The following CALY variants were observed in gnomAD, a reference collection of about 807,000 sequenced individuals.
CALY encodes calcyon neuron specific vesicular protein.
CALY carries 15 observed loss-of-function variants against 20.2 expected under a neutral mutation model. The ratio of observed to expected loss-of-function variants is 0.74; its 90% CI spans 0.50 to 1.14. CALY has a LOEUF of 1.14. Among genes scored for constraint, CALY ranks in the 50% most tolerant of loss-of-function variants. The pLI is 0.00. For synonymous variants in CALY, 129 were observed against 131.8 expected, an observed-to-expected ratio of 0.98 and a Z score of 0.15; for missense variants, 270 against 304.4, an observed-to-expected ratio of 0.89 and a Z score of 0.84.
At chr10:133,326,789 CA>C (rs1848220098) in intron 4 of CALY, 88 bp downstream of exon 4, 1 of 770,044 alleles carries the variant, frequency 1.3e-6, no homozygotes, top group Non-Finnish European at 2.3e-6. Context: ...GTTCCCCCAG[CA>C]GCAGGAGACA....
intron 1 of CALY, among the ~76,000 whole-genome samples, chr10:133,335,068 G>A (rs1848413363): frequency 1.3e-5 from 2 of 152,168 alleles, no homozygotes; most frequent in South Asian, 4.1e-4. Flanking sequence ...AGATACAGGA[G>A]CGATCGGTGG....
intron 1 of CALY, among the ~76,000 whole-genome samples, chr10:133,335,522 A>G (rs1427454625): frequency 6.6e-6 from 1 of 152,164 alleles, no homozygotes; most frequent in Non-Finnish European, 1.5e-5. Flanking sequence ...AGGAAGAAAA[A>G]GCCATTGGGG....
At chr10:133,333,339 G>A (rs368969555) in intron 1 of CALY, among the ~76,000 whole-genome samples, 1 of 107,752 alleles carries the variant, frequency 9.3e-6, no homozygotes, top group Non-Finnish European at 1.9e-5. Context: ...AGGACAGAGG[G>A]ACCCAACGGG....
At chr10:133,331,527 C>T (rs1022079669) in intron 1 of CALY, among the ~76,000 whole-genome samples, 3 of 151,988 alleles carry the variant, frequency 2.0e-5, no homozygotes, top group African/African-American at 4.8e-5. Flanking sequence ...TAAATAATAT[C>T]AAAACTATCA....
chr10:133,326,218 G>A, intron 4 of CALY, 98 bp from the exon 5 acceptor site: 3 of 1,552,170 alleles, frequency 1.9e-6, no homozygotes, highest in Non-Finnish European at 2.6e-6. Context: ...ACTGCGGACA[G>A]TTTGTAATGG....
chr10:133,332,902 G>C (rs1293460372), intron 1 of CALY, among the ~76,000 whole-genome samples: 1 of 152,238 alleles, frequency 6.6e-6, no homozygotes, highest in Non-Finnish European at 1.5e-5. Context: ...CAAGGAAAAA[G>C]CTCCCCTAGA....
intron 1 of CALY, among the ~76,000 whole-genome samples, chr10:133,329,927 G>A (rs984515069): frequency 5.3e-5 from 8 of 152,202 alleles, no homozygotes; most frequent in Non-Finnish European, 1.0e-4. Flanking sequence ...GGGCACCCGC[G>A]AGTCAGCCCA....
rs1030498018 is a variant in CALY, at chr10:133,324,160, G to GC, written c.*1434dup. Reference sequence around the variant, plus strand: ...TCCCAGCTGACGCCCCAGGCCCCGGGCCCCCCTCCCTTGCAGGCCATCAGG... The same window carrying GC: ...TCCCAGCTGACGCCCCAGGCCCCGGGCCCCCCCTCCCTTGCAGGCCATCAGG... On this transcript the variant is annotated 3_prime_UTR_variant, in exon 6 of 6. Transcript: ENST00000252939. 2.2e-5 allele frequency: 7 copies of GC among 325,524 alleles called. No individual in the cohort carries two copies. Among genetic ancestry groups the GC allele is most frequent in the African/African-American group, 1.5e-4 (7 of 45,694 alleles). The allele number at this position is 325,524 out of a possible 1,614,324, so 20.2% of individuals were successfully genotyped here.
At chr10:133,327,104 C>T (rs1848227490) in intron 3 of CALY, 113 bp from the exon 4 acceptor site, 2 of 718,706 alleles carry the variant, frequency 2.8e-6, no homozygotes, top group African/African-American at 3.5e-5. Flanking sequence ...GTCTTGATGC[C>T]CCACCCCCGC....
Position 133,326,360 on chromosome 10 carries a change from C to T in CALY, c.361-240G>A, listed in dbSNP as rs1361838857. ...GAGAGGGGCGCAGACACCAGTGGAC[C>T]TGCCCAGCGCAGCAAGGACTCTGCG... On this transcript the variant is annotated intron_variant, in intron 4 of 5. Coordinates refer to ENST00000252939, the MANE Select transcript of CALY (RefSeq NM_015722.4). 2.5e-6 allele frequency: 3 copies of T among 1,196,086 alleles called. No individual in the cohort carries two copies. The African/African-American group carries it at 4.5e-5, about 18-fold the overall frequency. The allele number at this position is 1,196,086 out of a possible 1,614,324, so 74.1% of individuals were successfully genotyped here. A position where few individuals can be genotyped will look rare whatever the true frequency, so the allele number is the denominator to read the frequency against.
intron 5 of CALY, 77 bp from the exon 6 acceptor site, chr10:133,325,643 G>T (rs1249574917): frequency 5.8e-6 from 2 of 343,156 alleles, no homozygotes; most frequent in African/African-American, 4.3e-5. Flanking sequence ...CACCCGGCGG[G>T]CTCGGATTCG....
In CALY at chr10:133,327,898, T is replaced by G. The variant is rs775478247; in HGVS notation, c.246+7A>C. On this transcript the variant is annotated splice_region_variant and intron_variant, in intron 3 of 5. Coordinates refer to ENST00000252939, the MANE Select transcript of CALY (RefSeq NM_015722.4). ...GTCCCCACAGTGGGTGGGGTGGGTGTGGTTACCCTGCGCCCTTCCTCTGGG... is the reference window on the plus strand; with the variant it reads ...GTCCCCACAGTGGGTGGGGTGGGTGGGGTTACCCTGCGCCCTTCCTCTGGG... The G allele has an allele frequency of 1.9e-6, 3 of 1,588,734 alleles. No individual in the cohort carries two copies. The highest frequency in any genetic ancestry group is 1.1e-5 in the South Asian group (1 of 89,804).
At position 133,324,414 on chromosome 10, in the gene CALY, G is replaced by A. The variant is rs1401039945; in HGVS notation, c.*1181C>T. ...AGCTGCCTAGACCCGCACCTAGCCA[G>A]CAAGCCTGGGAGCCAATGGTGGGGG... is the stretch of plus-strand genomic sequence containing the variant. On this transcript the variant is annotated 3_prime_UTR_variant, in exon 6 of 6. Coordinates refer to ENST00000252939, the MANE Select transcript of CALY (RefSeq NM_015722.4). 1 of 446,860 alleles carries A rather than the reference G, an allele frequency of 2.2e-6. No homozygotes were observed. The allele number at this position is 446,860 out of a possible 1,614,324, so 27.7% of individuals were successfully genotyped here.
chr10:133,326,789 C>T, intron 4 of CALY, 89 bp downstream of exon 4: 1 of 770,044 alleles, frequency 1.3e-6, no homozygotes, highest in South Asian at 1.5e-5. Context: ...GTTCCCCCAG[C>T]AGCAGGAGAC....
At chr10:133,335,560 G>A (rs1387770202) in intron 1 of CALY, among the ~76,000 whole-genome samples, 2 of 152,182 alleles carry the variant, frequency 1.3e-5, no homozygotes, top group African/African-American at 4.8e-5. Flanking sequence ...TTCTGGTTCC[G>A]GGCCCAGCGC....
chr10:133,333,741 A>G (rs1329000297), intron 1 of CALY, among the ~76,000 whole-genome samples: 1 of 113,184 alleles, frequency 8.8e-6, no homozygotes. Flanking sequence ...AAGATCTGAG[A>G]GTGGAAGGCT....
Position 133,324,125 on chromosome 10 carries a change from C to A in CALY, c.*1470G>T, listed in dbSNP as rs1848164930. On this transcript the variant is annotated 3_prime_UTR_variant, in exon 6 of 6. Transcript: ENST00000252939. ...ACATCGGCCATGCAGAGACTCCCTG[C>A]CCCCATATATCCCAGCTGACGCCCC... is the stretch of plus-strand genomic sequence containing the variant. 1 of 296,534 alleles carries A rather than the reference C, an allele frequency of 3.4e-6. No individual in the cohort carries two copies. The highest frequency in any genetic ancestry group is 6.8e-6 in the Non-Finnish European group (1 of 148,126). The allele number at this position is 296,534 out of a possible 1,614,324, so 18.4% of individuals were successfully genotyped here.
intron 3 of CALY, 56 bp from the exon 4 acceptor site, chr10:133,327,047 G>A: frequency 8.0e-7 from 1 of 1,247,840 alleles, no homozygotes; most frequent in South Asian, 1.3e-5. Context: ...GTCTTTGTGG[G>A]GAGCTCCTCA....
At chr10:133,326,191 C>A in intron 4 of CALY, 71 bp from the exon 5 acceptor site, 1 of 1,560,008 alleles carries the variant, frequency 6.4e-7, no homozygotes, top group Non-Finnish European at 8.7e-7. Context: ...GGCCCTCCCG[C>A]TTCTGCGGTT....
Sources: allele counts gnomAD v4.1 joint callset (sites outside exome capture counted in the v4.1 genomes callset), GRCh38; gene constraint gnomAD v4.1.1; transcripts MANE v1.5; gene names NCBI Gene and HGNC (gene_info 2026-07-23, HGNC 2026-07-21).